The following FGD4 variants were observed in gnomAD, a reference collection of about 807,000 sequenced individuals.
The protein encoded by FGD4 is FYVE, RhoGEF and PH domain-containing protein 4.
FGD4 carries 42 observed loss-of-function variants against 102.0 expected under a neutral mutation model. The observed-to-expected ratio is 0.41, with a 90% CI of 0.32 to 0.53. FGD4 has a LOEUF of 0.53. Ranked by LOEUF, FGD4 falls within the 20% of genes least tolerant of loss-of-function variation. FGD4 has a pLI of 0.21. For synonymous variants in FGD4, 380 were observed against 375.7 expected (o/e 1.01, Z -0.13); for missense variants, 902 against 1,078.2 (o/e 0.84, Z 2.29).
intron 1 of FGD4, among the ~76,000 whole-genome samples, chr12:32,542,001 C>T (rs569378826): frequency 1.1e-3 from 163 of 152,096 alleles, no homozygotes; most frequent in Non-Finnish European, 2.0e-3. Flanking sequence ...CATCACCTTG[C>T]GTTTCACCGC....
intron 4 of FGD4, among the ~76,000 whole-genome samples, chr12:32,588,671 A>G (rs1947242214): frequency 6.6e-6 from 1 of 152,220 alleles, no homozygotes; most frequent in African/African-American, 2.4e-5. Flanking sequence ...TATAGAGCCA[A>G]TCAGAAGTCT....
intron 14 of FGD4, among the ~76,000 whole-genome samples, chr12:32,631,649 C>G (rs1296594417): frequency 1.3e-5 from 2 of 151,808 alleles, no homozygotes; most frequent in Non-Finnish European, 1.5e-5. Context: ...GGACTACAGG[C>G]GGGCTTCACC....
chr12:32,460,955 C>T (rs1943089682), intron 1 of FGD4, among the ~76,000 whole-genome samples: 1 of 152,150 alleles, frequency 6.6e-6, no homozygotes, highest in South Asian at 2.1e-4. Context: ...TTTGAAAATG[C>T]CATTAGCTGA....
At chr12:32,528,748 A>C (rs1377799012) in intron 1 of FGD4, among the ~76,000 whole-genome samples, 1 of 152,088 alleles carries the variant, frequency 6.6e-6, no homozygotes, top group Non-Finnish European at 1.5e-5. Flanking sequence ...TGCAACATAA[A>C]CACTATGTAG....
intron 1 of FGD4, among the ~76,000 whole-genome samples, chr12:32,560,665 T>A (rs1565840947): frequency 6.6e-6 from 1 of 152,154 alleles, no homozygotes; most frequent in Non-Finnish European, 1.5e-5. Context: ...TTAGCAGAAG[T>A]ATGTCTGATG....
At chr12:32,415,890 T>C (rs1941396499) in intron 1 of FGD4, among the ~76,000 whole-genome samples, 1 of 152,258 alleles carries the variant, frequency 6.6e-6, no homozygotes, top group African/African-American at 2.4e-5. Context: ...TTTTTTGTTT[T>C]CATTGGCATG....
intron 1 of FGD4, among the ~76,000 whole-genome samples, chr12:32,520,676 T>C (rs946905837): frequency 6.6e-6 from 1 of 152,096 alleles, no homozygotes; most frequent in African/African-American, 2.4e-5. Flanking sequence ...GACCTCGTGA[T>C]CCACCCGCCT....
At chr12:32,456,551 CGTG>C (rs1004798651) in intron 1 of FGD4, among the ~76,000 whole-genome samples, 1 of 152,086 alleles carries the variant, frequency 6.6e-6, no homozygotes, top group African/African-American at 2.4e-5. Context: ...CAAAGTAACT[CGTG>C]GGAGGATTTA....
At chr12:32,464,254 G>C (rs1413962319) in intron 1 of FGD4, among the ~76,000 whole-genome samples, 1 of 152,156 alleles carries the variant, frequency 6.6e-6, no homozygotes, top group Non-Finnish European at 1.5e-5. Context: ...CCTGGGTCAA[G>C]CAGTTCTCCT....
chr12:32,527,850 C>A (rs1388753526), intron 1 of FGD4, among the ~76,000 whole-genome samples: 1 of 152,100 alleles, frequency 6.6e-6, no homozygotes, highest in Non-Finnish European at 1.5e-5. Flanking sequence ...GTTTAGGGAT[C>A]AATTTCCTAA....
At chr12:32,616,054 G>A (rs917851679) in intron 10 of FGD4, among the ~76,000 whole-genome samples, 5 of 152,102 alleles carry the variant, frequency 3.3e-5, no homozygotes, top group East Asian at 1.9e-4. Context: ...ATAAAAAGAC[G>A]TGCTTAATAC....
At chr12:32,621,274 C>A (rs962179861) in intron 11 of FGD4, among the ~76,000 whole-genome samples, 2 of 151,972 alleles carry the variant, frequency 1.3e-5, no homozygotes, top group African/African-American at 4.8e-5. Flanking sequence ...GGCAACAGAG[C>A]GAGACTCTGT....
chr12:32,580,803 T>C (rs927332500), intron 3 of FGD4, among the ~76,000 whole-genome samples: 1 of 150,028 alleles, frequency 6.7e-6, no homozygotes, highest in African/African-American at 2.5e-5. Flanking sequence ...AGGAGAATGG[T>C]GTGAACCCGG....
At chr12:32,545,930 T>C (rs1365146478) in intron 1 of FGD4, among the ~76,000 whole-genome samples, 1 of 152,258 alleles carries the variant, frequency 6.6e-6, no homozygotes, top group Non-Finnish European at 1.5e-5. Context: ...AAGATCTGAA[T>C]TTGCTCTAGG....
At chr12:32,545,637 G>A (rs910330063) in intron 1 of FGD4, among the ~76,000 whole-genome samples, 3 of 152,242 alleles carry the variant, frequency 2.0e-5, no homozygotes, top group Non-Finnish European at 4.4e-5. Context: ...ATCCCTGATT[G>A]AGGATTGTTT....
intron 1 of FGD4, among the ~76,000 whole-genome samples, chr12:32,518,624 A>G (rs1335598280): frequency 6.6e-6 from 1 of 152,198 alleles, no homozygotes; most frequent in Admixed American, 6.5e-5. Context: ...GGACAATGCA[A>G]GCTCACTTGT....
intron 1 of FGD4, among the ~76,000 whole-genome samples, chr12:32,487,717 A>T (rs972825419): frequency 1.3e-5 from 2 of 152,178 alleles, no homozygotes; most frequent in African/African-American, 2.4e-5. Flanking sequence ...GTGAGCCACC[A>T]TGCCCAGCCA....
At chr12:32,480,188 T>C (rs1943698830) in intron 1 of FGD4, among the ~76,000 whole-genome samples, 1 of 150,584 alleles carries the variant, frequency 6.6e-6, no homozygotes. Flanking sequence ...TGAGACTGAG[T>C]CTCGCTCTGT....
intron 1 of FGD4, among the ~76,000 whole-genome samples, chr12:32,492,419 T>C (rs1740829390): frequency 6.6e-6 from 1 of 152,226 alleles, no homozygotes; most frequent in Non-Finnish European, 1.5e-5. Context: ...GATTCTGATA[T>C]GTGTCACACA....
Sources: allele counts gnomAD v4.1 joint callset (sites outside exome capture counted in the v4.1 genomes callset), GRCh38; gene constraint gnomAD v4.1.1; transcripts MANE v1.5; gene names NCBI Gene and HGNC (gene_info 2026-07-23, HGNC 2026-07-21).